Variants in PHACTR2 observed in about 807,000 individuals in gnomAD.
The protein encoded by PHACTR2 is phosphatase and actin regulator 2, also known as chromosome 6 open reading frame 56.
A neutral mutation model predicts 76.0 loss-of-function variants in PHACTR2; 30 were observed. The observed-to-expected ratio is 0.39, with a 90% confidence interval of 0.30 to 0.54. PHACTR2 has a LOEUF of 0.54. Ranked by LOEUF, PHACTR2 falls within the 20% of genes least tolerant of loss-of-function variation. The pLI is 0.61. For missense variants in PHACTR2, 696 were observed against 781.1 expected (o/e 0.89, Z 1.30); for synonymous variants, 292 against 292.5 (o/e 1.00, Z 0.02).
At chr6:143,699,104 T>A (rs1777839852) in intron 1 of PHACTR2, among the ~76,000 whole-genome samples, 1 of 152,112 alleles carries the variant, frequency 6.6e-6, no homozygotes, top group African/African-American at 2.4e-5. Context: ...CCTTCACATT[T>A]CTTTGGTGCT....
rs1223400279 is a variant in PHACTR2 at position 143,765,191 on chromosome 6, C to T, written c.695-70C>T. The T allele has an allele frequency of 5.8e-6, 7 of 1,197,626 alleles. No homozygotes were observed. The highest frequency in any genetic ancestry group is 2.2e-5 in the Admixed American group (1 of 45,550). The allele number at this position is 1,197,626 out of a possible 1,614,324, so 74.2% of individuals were successfully genotyped here. A position where few individuals can be genotyped will look rare whatever the true frequency, so the allele number is the denominator to read the frequency against. On this transcript the variant is annotated intron_variant, in intron 5 of 12. Transcript: ENST00000440869. This position sits in a 1 kb window ranked among gnomAD's most constrained non-coding sequence, Gnocchi z 4.1. ...ACATTTTAAATGTTGTTGACAGTTACACCTTGGTTACTTTATTTTAAAAAG... is the reference window on the plus strand; with the variant it reads ...ACATTTTAAATGTTGTTGACAGTTATACCTTGGTTACTTTATTTTAAAAAG...
In PHACTR2 at chr6:143,709,014, A is replaced by G. The variant is rs1778111368; in HGVS notation, c.47-3002A>G. On this transcript the variant is annotated intron_variant, in intron 1 of 12. Transcript: ENST00000440869. The surrounding 1 kb of genome is among the most constrained non-coding windows in gnomAD (Gnocchi z 4.4). Reference sequence around the variant, plus strand: ...ATATTTTACAACATTTAAGTTGTTCAAAGTTAAGCCCTTCCATGAGAGTTC... The same window carrying G: ...ATATTTTACAACATTTAAGTTGTTCGAAGTTAAGCCCTTCCATGAGAGTTC... 6.6e-6 allele frequency among the ~76,000 whole-genome samples: 1 copy of G among 152,192 alleles called. No homozygotes were observed. The highest frequency in any genetic ancestry group is 1.5e-5 in the Non-Finnish European group (1 of 68,020).
chr6:143,677,437 G>A (rs567828992), upstream of PHACTR2, among the ~76,000 whole-genome samples: 1 of 152,142 alleles, frequency 6.6e-6, no homozygotes, highest in Non-Finnish European at 1.5e-5. Context: ...ATAAAGGAGA[G>A]GTCAGCACTC....
intron 1 of PHACTR2, among the ~76,000 whole-genome samples, chr6:143,681,181 A>G (rs1777381329): frequency 6.6e-6 from 1 of 152,176 alleles, no homozygotes. Context: ...TGGTGTTGCC[A>G]AACAGTTTCC....
In PHACTR2 at chr6:143,610,190, T is replaced by C. The variant is rs1198846800; in HGVS notation, c.13+1868T>C. On this transcript the variant is annotated intron_variant, in intron 1 of 11. Transcript: ENST00000305766. The surrounding 1 kb of genome is among the most constrained non-coding windows in gnomAD (Gnocchi z 4.9). ...TTTTGATGAGGTAAGCAGCCTCTCT[T>C]ACAGGAGGAAAATGTAAACATCCAT... 6.6e-6 allele frequency among the ~76,000 whole-genome samples: 1 copy of C among 152,154 alleles called. No homozygotes were observed. The highest frequency in any genetic ancestry group is 1.5e-5 in the Non-Finnish European group (1 of 68,030).
intron 1 of PHACTR2, among the ~76,000 whole-genome samples, chr6:143,707,325 G>T (rs1030520651): frequency 3.9e-5 from 6 of 152,120 alleles, no homozygotes; most frequent in Admixed American, 1.3e-4. Flanking sequence ...TGCTATGATT[G>T]GGCTTCAAAA....
rs1007634285 is a variant in PHACTR2, at chr6:143,641,999, T to C, written c.13+33677T>C. On this transcript the variant is annotated intron_variant, in intron 1 of 11. Transcript: ENST00000305766. The surrounding 1 kb of genome is among the most constrained non-coding windows in gnomAD (Gnocchi z 5.8). ...CACTCATGCATGGCCAACAGCTACATAGAGGTGAATTATATATAGCTCCTC... is the reference window on the plus strand; with the variant it reads ...CACTCATGCATGGCCAACAGCTACACAGAGGTGAATTATATATAGCTCCTC... Among the ~76,000 whole-genome samples the C allele has an allele frequency of 6.6e-6, 1 of 152,218 alleles. No individual in the cohort carries two copies. The highest frequency in any genetic ancestry group is 1.5e-5 in the Non-Finnish European group (1 of 68,036).
At chr6:143,711,939 C>G (rs1370630362) in intron 1 of PHACTR2, 77 bp from the exon 2 acceptor site, 1 of 1,266,716 alleles carries the variant, frequency 7.9e-7, no homozygotes, top group African/African-American at 1.5e-5. Flanking sequence ...CGTTAACAGC[C>G]CAGGGACCAA....
In PHACTR2 at chr6:143,821,849, G is replaced by A. The variant is rs188252353; in HGVS notation, c.1923-1825G>A. Among the ~76,000 whole-genome samples, 5 of 152,228 alleles carry A rather than the reference G, an allele frequency of 3.3e-5. No homozygotes were observed. The highest frequency in any genetic ancestry group is 6.5e-5 in the Admixed American group (1 of 15,284). ...CTACTAAAAATACAAATATTAGCTG[G>A]GCATGGTGGTGCATGCTTGTAGTTT... On this transcript the variant is annotated intron_variant, in intron 12 of 12. Coordinates refer to ENST00000440869, the MANE Select transcript of PHACTR2 (RefSeq NM_001100164.2). The surrounding 1 kb of genome is among the most constrained non-coding windows in gnomAD (Gnocchi z 5.2).
intron 9 of PHACTR2, among the ~76,000 whole-genome samples, chr6:143,779,817 C>G (rs1340706827): frequency 6.6e-6 from 1 of 151,410 alleles, no homozygotes; most frequent in Non-Finnish European, 1.5e-5. Flanking sequence ...TGTCAATTCA[C>G]CATGCCAGTC....
chr6:143,579,424 C>T (rs567662274), intron 1 of PHACTR2, among the ~76,000 whole-genome samples: 1 of 152,084 alleles, frequency 6.6e-6, no homozygotes, highest in African/African-American at 2.4e-5. Context: ...GAAAACAAAA[C>T]AACAACAACA....
chr6:143,644,508 T>A (rs1332719245), intron 1 of PHACTR2, among the ~76,000 whole-genome samples: 3 of 150,974 alleles, frequency 2.0e-5, no homozygotes, highest in Non-Finnish European at 3.0e-5. Context: ...ACCTGTATTA[T>A]TATATCACAG....
In PHACTR2 at chr6:143,591,557, C is replaced by T. The variant is rs1463845508; in HGVS notation, c.217+54350C>T. On this transcript the variant is annotated intron_variant, in intron 1 of 11. Coordinates refer to the PHACTR2 transcript ENST00000367584. The surrounding 1 kb of genome is among the most constrained non-coding windows in gnomAD (Gnocchi z 6.4). ...CAGCATGAACACAGCCCAGAGAGGC[C>T]GCAGACCTGAGGCTGCTGTGAGTTC... Among the ~76,000 whole-genome samples, 3 of 152,120 alleles carry T rather than the reference C, an allele frequency of 2.0e-5. No individual in the cohort carries two copies. The highest frequency in any genetic ancestry group is 4.4e-5 in the Non-Finnish European group (3 of 68,012).
rs1034960054 is a variant in PHACTR2 at position 143,554,578 on chromosome 6, G to C, written c.217+17371G>C. 1.1e-4 allele frequency: 16 copies of C among 152,338 alleles called. No individual in the cohort carries two copies. The highest frequency in any genetic ancestry group is 3.4e-4 in the African/African-American group (14 of 41,546). 9.4% of individuals were successfully genotyped at this position (152,338 alleles called of 1,614,324 possible). ...TGCTGAAGACAGGACAGGATGATCA[G>C]CCCTCACCTGAGGAAAGGTGAAGGG... On this transcript the variant is annotated intron_variant, in intron 1 of 11. Coordinates refer to the PHACTR2 transcript ENST00000367584. The surrounding 1 kb of genome is among the most constrained non-coding windows in gnomAD (Gnocchi z 5.9).
rs1776242025 is a variant in PHACTR2, at chr6:143,625,499, A to G, written c.13+17177A>G. On this transcript the variant is annotated intron_variant, in intron 1 of 11. Transcript: ENST00000305766. This position sits in a 1 kb window ranked among gnomAD's most constrained non-coding sequence, Gnocchi z 4.3. ...AACATCAAAAAGGATAATAAATATTATTGATAACTTATCGAATAGGTAATT... is the reference window on the plus strand; with the variant it reads ...AACATCAAAAAGGATAATAAATATTGTTGATAACTTATCGAATAGGTAATT... 6.6e-6 allele frequency among the ~76,000 whole-genome samples: 1 copy of G among 152,244 alleles called. No individual in the cohort carries two copies. Among genetic ancestry groups the G allele is most frequent in the Non-Finnish European group, 1.5e-5 (1 of 68,034 alleles).
At chr6:143,609,038 C>T (rs1224847000) in intron 1 of PHACTR2, among the ~76,000 whole-genome samples, 1 of 152,082 alleles carries the variant, frequency 6.6e-6, no homozygotes, top group Non-Finnish European at 1.5e-5. Context: ...TCAGTGTTGT[C>T]GGCACTCAAG....
rs537492644 is a variant in PHACTR2 at position 143,767,829 on chromosome 6, TTTTTGTTTTGTTTTG to T, written c.1232+2041_1232+2055del. ...AACACTTTCACACTGAGGATGAAGGTTTTTGTTTTGTTTTGTTTTGTTTTTTGAGACAGAATCTTG... is the reference window on the plus strand; with the variant it reads ...AACACTTTCACACTGAGGATGAAGGTTTTTGTTTTTTGAGACAGAATCTTG... On this transcript the variant is annotated intron_variant, in intron 6 of 12. Transcript: ENST00000440869. The surrounding 1 kb of genome is among the most constrained non-coding windows in gnomAD (Gnocchi z 4.4). Among the ~76,000 whole-genome samples the T allele has an allele frequency of 6.6e-6, 1 of 151,866 alleles. No homozygotes were observed. The highest frequency in any genetic ancestry group is 2.4e-5 in the African/African-American group (1 of 41,362).
At position 143,549,453 on chromosome 6, in the gene PHACTR2, GT is replaced by G. The variant is rs1184583510; in HGVS notation, c.217+12253del. On this transcript the variant is annotated intron_variant, in intron 1 of 11. Coordinates refer to the PHACTR2 transcript ENST00000367584. The surrounding 1 kb of genome is among the most constrained non-coding windows in gnomAD (Gnocchi z 4.2). Reference sequence around the variant, plus strand: ...GTGATTATCCAGATCTGGATTTATTGTTTTTTTATGGGGGTGACTGCTCCTT... The same window carrying G: ...GTGATTATCCAGATCTGGATTTATTGTTTTTTATGGGGGTGACTGCTCCTT... Among the ~76,000 whole-genome samples, 2 of 151,894 alleles carry G rather than the reference GT, an allele frequency of 1.3e-5. No individual in the cohort carries two copies. Among genetic ancestry groups the G allele is most frequent in the African/African-American group, 2.4e-5 (1 of 41,380 alleles).
At position 143,742,211 on chromosome 6, in the gene PHACTR2, C is replaced by T. The variant is rs1441849975; in HGVS notation, c.215-6774C>T. Among the ~76,000 whole-genome samples, 1 of 152,072 alleles carries T rather than the reference C, an allele frequency of 6.6e-6. No individual in the cohort carries two copies. The highest frequency in any genetic ancestry group is 1.5e-5 in the Non-Finnish European group (1 of 68,026). On this transcript the variant is annotated intron_variant, in intron 2 of 12. Transcript: ENST00000440869. The surrounding 1 kb of genome is among the most constrained non-coding windows in gnomAD (Gnocchi z 4.5). The stretch of plus-strand genomic sequence containing the variant: ...TAATGAAAGAGAGAACTCATTGGCT[C>T]ATGTAACTGAAAAATCCAGGGGCAG...
Sources: gnomAD v4.1 joint callset for allele counts (sites outside exome capture counted in the v4.1 genomes callset) on GRCh38, gnomAD v4.1.1 for gene constraint, Gnocchi (gnomAD v3.1) non-coding constraint, MANE v1.5 for transcripts, NCBI Gene and HGNC (gene_info 2026-07-23, HGNC 2026-07-21) for gene names.